KCNIP4: variants seen among roughly 807,000 people sequenced by gnomAD.
KCNIP4 encodes potassium voltage-gated channel interacting protein 4.
A neutral mutation model predicts 34.0 loss-of-function variants in KCNIP4; 12 were observed. The ratio of observed to expected loss-of-function variants is 0.35; its 90% CI spans 0.23 to 0.57. KCNIP4 has a LOEUF of 0.57. KCNIP4 is among the 20% of genes least tolerant of loss of function. KCNIP4 has a pLI of 0.83. For missense variants in KCNIP4, 238 were observed against 311.7 expected (o/e 0.76, Z 1.78); for synonymous variants, 124 against 102.2 (o/e 1.21, Z -1.29).
chr4:21,151,525 T>A (rs1229812170), intron 1 of KCNIP4, among the ~76,000 whole-genome samples: 2 of 150,326 alleles, frequency 1.3e-5, no homozygotes, highest in Non-Finnish European at 3.0e-5. Context: ...GGCTGTCTTC[T>A]CTCTGTGTCC....
At chr4:21,538,610 C>T (rs527422579) in intron 1 of KCNIP4, among the ~76,000 whole-genome samples, 1 of 152,218 alleles carries the variant, frequency 6.6e-6, no homozygotes, top group South Asian at 2.1e-4. Context: ...TTCCTTTTCC[C>T]CCCAATATTT....
At chr4:21,924,470 T>C (rs993445056) in intron 1 of KCNIP4, among the ~76,000 whole-genome samples, 1 of 152,126 alleles carries the variant, frequency 6.6e-6, no homozygotes, top group African/African-American at 2.4e-5. Context: ...GGTCTCTATC[T>C]GCTGACCTCA....
chr4:20,966,135 T>C (rs1425424217), intron 1 of KCNIP4, among the ~76,000 whole-genome samples: 2 of 152,188 alleles, frequency 1.3e-5, no homozygotes, highest in Admixed American at 6.6e-5. Context: ...GGAAGATAGA[T>C]GTAGGATTTG....
intron 1 of KCNIP4, among the ~76,000 whole-genome samples, chr4:21,584,151 T>C (rs1741441226): frequency 6.6e-6 from 1 of 152,076 alleles, no homozygotes; most frequent in African/African-American, 2.4e-5. Context: ...GGAAAAATCA[T>C]TACCCTCATT....
chr4:20,816,303 T>A (rs1435881468), intron 3 of KCNIP4, among the ~76,000 whole-genome samples: 3 of 150,722 alleles, frequency 2.0e-5, no homozygotes, highest in Admixed American at 6.6e-5. Flanking sequence ...TTTCTCAACA[T>A]GCTACACCAT....
At position 21,452,943 on chromosome 4, in the gene KCNIP4, T is replaced by C. The variant is rs560637435; in HGVS notation, c.61+495628A>G. On this transcript the variant is annotated intron_variant, in intron 1 of 8. Coordinates refer to ENST00000382152, the MANE Select transcript of KCNIP4 (RefSeq NM_025221.6). The stretch of plus-strand genomic sequence containing the variant: ...TAATAGTAATAAACCTGTTTCATTC[T>C]GCATATATACTTATTCAAGAAGAGG... Among the ~76,000 whole-genome samples the C allele has an allele frequency of 3.9e-5, 6 of 152,292 alleles. No homozygotes were observed. In the South Asian group the frequency reaches 1.2e-3, roughly 32 times the overall value.
At chr4:20,914,286 A>G (rs1728602191) in intron 1 of KCNIP4, among the ~76,000 whole-genome samples, 1 of 152,182 alleles carries the variant, frequency 6.6e-6, no homozygotes, top group South Asian at 2.1e-4. Flanking sequence ...TAAAATTCAT[A>G]TGTTAAAACC....
At chr4:20,911,097 A>T (rs1398705059) in intron 1 of KCNIP4, among the ~76,000 whole-genome samples, 1 of 152,206 alleles carries the variant, frequency 6.6e-6, no homozygotes, top group East Asian at 1.9e-4. Context: ...GAGAAAAGTG[A>T]AACAAATCTA....
chr4:21,855,964 G>A (rs28613123), intron 1 of KCNIP4, among the ~76,000 whole-genome samples: 14 of 152,098 alleles, frequency 9.2e-5, no homozygotes, highest in African/African-American at 2.9e-4. Flanking sequence ...ATCAGAATAT[G>A]TCTGTTAAAA....
chr4:20,934,681 A>G (rs1340703961), intron 1 of KCNIP4, among the ~76,000 whole-genome samples: 1 of 152,228 alleles, frequency 6.6e-6, no homozygotes, highest in African/African-American at 2.4e-5. Flanking sequence ...CTTAAGTTCT[A>G]GTGAGGAGAA....
At chr4:21,169,668 G>GTGTT (rs1753876035) in intron 1 of KCNIP4, among the ~76,000 whole-genome samples, 1 of 145,348 alleles carries the variant, frequency 6.9e-6, no homozygotes. Context: ...ATTTGTGTGT[G>GTGTT]TGTGTGTGTG....
intron 1 of KCNIP4, among the ~76,000 whole-genome samples, chr4:21,496,680 G>A (rs760408240): frequency 2.0e-5 from 3 of 152,164 alleles, no homozygotes; most frequent in African/African-American, 2.4e-5. Context: ...GGCCTGTTAG[G>A]AACCGGCTGC....
At chr4:21,945,471 T>C (rs974453284) in intron 1 of KCNIP4, among the ~76,000 whole-genome samples, 8 of 152,182 alleles carry the variant, frequency 5.3e-5, no homozygotes, top group African/African-American at 1.9e-4. Context: ...CCTTGTGGAA[T>C]TACTAATTTG....
At chr4:21,765,186 T>C (rs1718329450) in intron 1 of KCNIP4, among the ~76,000 whole-genome samples, 1 of 151,638 alleles carries the variant, frequency 6.6e-6, no homozygotes, top group Non-Finnish European at 1.5e-5. Flanking sequence ...GACAGAGTCT[T>C]GCTCTGTCAC....
At chr4:21,376,033 A>G (rs1350774906) in intron 1 of KCNIP4, among the ~76,000 whole-genome samples, 2 of 152,216 alleles carry the variant, frequency 1.3e-5, no homozygotes, top group Non-Finnish European at 2.9e-5. Context: ...ATTACAGTCT[A>G]AACTTTTGAC....
chr4:20,992,207 A>T (rs2149707095), intron 1 of KCNIP4, among the ~76,000 whole-genome samples: 1 of 152,350 alleles, frequency 6.6e-6, no homozygotes. Flanking sequence ...GGAAATTCCC[A>T]TGGCCTCAGG....
intron 1 of KCNIP4, among the ~76,000 whole-genome samples, chr4:21,643,887 G>GATAGATAGATAA (rs1329751559): frequency 1.2e-4 from 16 of 136,578 alleles, no homozygotes; most frequent in Middle Eastern, 3.5e-3. Flanking sequence ...TAGATAGATA[G>GATAGATAGATAA]ATAGATAGAT....
intron 1 of KCNIP4, among the ~76,000 whole-genome samples, chr4:21,073,591 A>C (rs909308237): frequency 6.6e-6 from 1 of 152,176 alleles, no homozygotes; most frequent in Non-Finnish European, 1.5e-5. Context: ...AACAGGGACA[A>C]TTTGACTTCC....
At chr4:21,243,200 A>T (rs1759979846) in intron 1 of KCNIP4, among the ~76,000 whole-genome samples, 1 of 152,112 alleles carries the variant, frequency 6.6e-6, no homozygotes, top group Admixed American at 6.5e-5. Context: ...TCTCTACAAT[A>T]GAGGCCTCTC....
Sources: allele counts gnomAD v4.1 joint callset (sites outside exome capture counted in the v4.1 genomes callset), GRCh38; gene constraint gnomAD v4.1.1; transcripts MANE v1.5; gene names NCBI Gene and HGNC (gene_info 2026-07-23, HGNC 2026-07-21).